The following DNM2 variants were observed in gnomAD, a reference collection of about 807,000 sequenced individuals.
The protein encoded by DNM2 is dynamin 2.
In DNM2, 15 loss-of-function variants were observed where a neutral mutation model predicts 99.0. The observed-to-expected ratio is 0.15, with a 90% confidence interval of 0.10 to 0.23. DNM2 has a LOEUF of 0.23. Among genes scored for constraint, DNM2 ranks in the 10% least tolerant of loss-of-function variants. The pLI, the probability that DNM2 is intolerant of heterozygous loss-of-function variation, is 1.00. For synonymous variants in DNM2, 525 were observed against 481.2 expected (o/e 1.09, Z -1.19); for missense variants, 742 against 1,189.4 (o/e 0.62, Z 5.53).
intron 16 of DNM2, chr19:10,823,582 G>T: frequency 1.7e-6 from 1 of 577,742 alleles, no homozygotes; most frequent in South Asian, 2.0e-5. Context: ...CAGAAACAAA[G>T]AAACTCAGAC....
intron 13 of DNM2, among the ~76,000 whole-genome samples, chr19:10,807,533 T>G (rs2072385590): frequency 7.8e-6 from 1 of 128,844 alleles, no homozygotes. Context: ...AGCCATCACG[T>G]CCAGCCTTTT....
Position 10,759,727 on chromosome 19 carries a change from C to G in DNM2, c.162-11C>G. ...GCAAGAGTAATTTCTGTCCCTCTCC[C>G]CCCCTCACAGGGACTTCCTTCCCCG... On this transcript the variant is annotated splice_polypyrimidine_tract_variant and intron_variant, in intron 1 of 20. Transcript: ENST00000389253. 6.2e-7 allele frequency: 1 copy of G among 1,614,170 alleles called. No individual in the cohort carries two copies. Among genetic ancestry groups the G allele is most frequent in the Non-Finnish European group, 8.5e-7 (1 of 1,180,028 alleles).
chr19:10,814,473 A>C (rs1310087183), intron 15 of DNM2, among the ~76,000 whole-genome samples: 1 of 152,188 alleles, frequency 6.6e-6, no homozygotes, highest in Non-Finnish European at 1.5e-5. Flanking sequence ...TCAAAGAAAA[A>C]AAAACACCAG....
intron 1 of DNM2, among the ~76,000 whole-genome samples, chr19:10,727,888 C>T (rs1429964022): frequency 6.6e-6 from 1 of 152,152 alleles, no homozygotes; most frequent in African/African-American, 2.4e-5. Context: ...GGATTGCCAA[C>T]TACAAGCTGT....
intron 15 of DNM2, among the ~76,000 whole-genome samples, chr19:10,813,045 A>G (rs1482325065): frequency 6.6e-6 from 1 of 152,214 alleles, no homozygotes; most frequent in Non-Finnish European, 1.5e-5. Flanking sequence ...CTCCAGGGGC[A>G]CCGGGGTTCC....
At chr19:10,744,344 T>TA (rs1270575141) in intron 1 of DNM2, among the ~76,000 whole-genome samples, 7 of 152,058 alleles carry the variant, frequency 4.6e-5, no homozygotes, top group African/African-American at 1.7e-4. Flanking sequence ...TGCCGAGAGA[T>TA]ACGCTGTGGG....
intron 13 of DNM2, among the ~76,000 whole-genome samples, chr19:10,806,748 G>A (rs1025639207): frequency 2.6e-5 from 4 of 152,042 alleles, no homozygotes; most frequent in African/African-American, 9.7e-5. Flanking sequence ...AGCCAAGATT[G>A]CGCCACCGCA....
At chr19:10,739,551 G>A (rs531988370) in intron 1 of DNM2, among the ~76,000 whole-genome samples, 1 of 152,014 alleles carries the variant, frequency 6.6e-6, no homozygotes, top group Non-Finnish European at 1.5e-5. Context: ...TTAGCATCAT[G>A]TTTTCAAGAT....
rs747322773 is a variant in DNM2 at position 10,823,824 on chromosome 19, C to G, written c.1818C>G (p.Ala606=). 6.2e-7 allele frequency: 1 copy of G among 1,613,856 alleles called. No individual in the cohort carries two copies. Among genetic ancestry groups the G allele is most frequent in the Non-Finnish European group, 8.5e-7 (1 of 1,180,008 alleles). ...VYKDLRQIEL[A]CDSQEDVDSW... Reference sequence around the variant, plus strand: ...AGGACCTGCGGCAGATCGAGCTGGCCTGTGACTCCCAGGAAGACGTGGACA... The same window carrying G: ...AGGACCTGCGGCAGATCGAGCTGGCGTGTGACTCCCAGGAAGACGTGGACA... Residue 606 remains alanine (A), a synonymous_variant, in exon 17 of 21, where the codon GCC becomes GCG. Transcript: ENST00000389253.
intron 6 of DNM2, among the ~76,000 whole-genome samples, chr19:10,783,884 A>G (rs2071466625): frequency 6.6e-6 from 1 of 151,830 alleles, no homozygotes; most frequent in Non-Finnish European, 1.5e-5. Flanking sequence ...TATTTTTAGT[A>G]GAGATGGAGT....
intron 7 of DNM2, among the ~76,000 whole-genome samples, chr19:10,789,197 CAA>C (rs1369975332): frequency 6.6e-6 from 1 of 151,884 alleles, no homozygotes; most frequent in African/African-American, 2.4e-5. Flanking sequence ...GACTCTGTCT[CAA>C]ACAAACAAAG....
Position 10,775,887 on chromosome 19 carries a change from C to G in DNM2, c.570C>G (p.Ala190=). The G allele has an allele frequency of 6.2e-7, 1 of 1,612,830 alleles. No homozygotes were observed. The change falls in exon 4 of 21, where the codon GCC becomes GCG. Residue 190 remains alanine (A), a synonymous_variant. Coordinates refer to ENST00000389253, the MANE Select transcript of DNM2 (RefSeq NM_001005361.3). This position sits in a 1 kb window ranked among gnomAD's most constrained non-coding sequence, Gnocchi z 4.3. ...CCAACTCCGACGCCCTCAAGCTGGC[C>G]AAGGAAGTCGATCCCCAAGGTAACC... The part of the protein sequence containing the change: ...DLANSDALKL[A]KEVDPQGLRT...
intron 8 of DNM2, among the ~76,000 whole-genome samples, chr19:10,794,914 T>A (rs548608161): frequency 1.3e-5 from 2 of 152,196 alleles, no homozygotes; most frequent in South Asian, 2.1e-4. Context: ...TTAATTAATT[T>A]GTTTGTTTAT....
At chr19:10,786,329 G>A (rs1232513881) in intron 6 of DNM2, 8 of 629,840 alleles carry the variant, frequency 1.3e-5, no homozygotes, top group African/African-American at 1.1e-4. Context: ...GCCTGATGTC[G>A]GCCCCGTGGG....
intron 2 of DNM2, among the ~76,000 whole-genome samples, chr19:10,770,965 T>A (rs924360148): frequency 3.3e-5 from 5 of 152,174 alleles, no homozygotes; most frequent in African/African-American, 1.2e-4. Context: ...GCTAATTTTT[T>A]AAATTTCTGT....
At position 10,787,244 on chromosome 19, in the gene DNM2, C is replaced by T. The variant is rs763140702; in HGVS notation, c.992+538C>T. Among the ~76,000 whole-genome samples, 14 of 151,678 alleles carry T rather than the reference C, an allele frequency of 9.2e-5. 1 individual carries two copies. Among genetic ancestry groups the T allele is most frequent in the Admixed American group, 7.9e-4 (12 of 15,218 alleles). ...CGTACTTTTGGGAGGCCGAGGCGAG[C>T]GGATCATGTCAGGAGATCGAGACCA... On this transcript the variant is annotated intron_variant, in intron 7 of 20. Transcript: ENST00000389253.
In DNM2 at chr19:10,764,966, T is replaced by C. The variant is rs566919547; in HGVS notation, c.235+5155T>C. On this transcript the variant is annotated intron_variant, in intron 2 of 20. Transcript: ENST00000389253. This position sits in a 1 kb window ranked among gnomAD's most constrained non-coding sequence, Gnocchi z 4.1. ...TGTTCTTGTTTTTTCTTTTTCTTTT[T>C]TTTTTTTTTTTGAGATGGAGTCTCG... Among the ~76,000 whole-genome samples, 60 of 150,168 alleles carry C rather than the reference T, an allele frequency of 4.0e-4. No homozygotes were observed. Among genetic ancestry groups the C allele is most frequent in the Non-Finnish European group, 7.6e-4 (51 of 67,270 alleles).
At position 10,830,505 on chromosome 19, in the gene DNM2, C is replaced by T. The variant is rs1314994068; in HGVS notation, c.2543+127C>T. 4 of 1,162,882 alleles carry T rather than the reference C, an allele frequency of 3.4e-6. No individual in the cohort carries two copies. Among genetic ancestry groups the T allele is most frequent in the Non-Finnish European group, 4.8e-6 (4 of 830,114 alleles). 72.0% of individuals were successfully genotyped at this position (1,162,882 alleles called of 1,614,324 possible). A position where few individuals can be genotyped will look rare whatever the true frequency, so the allele number is the denominator to read the frequency against. On this transcript the variant is annotated intron_variant, in intron 20 of 20. Coordinates refer to ENST00000389253, the MANE Select transcript of DNM2 (RefSeq NM_001005361.3). This position sits in a 1 kb window ranked among gnomAD's most constrained non-coding sequence, Gnocchi z 4.8. Reference sequence around the variant, plus strand: ...TGGAGTGGAGGAATCGTCCTCATCCCTATTTGGCTTGCGAGGAAACAGGCC... The same window carrying T: ...TGGAGTGGAGGAATCGTCCTCATCCTTATTTGGCTTGCGAGGAAACAGGCC...
Position 10,759,730 on chromosome 19 carries a change from C to A in DNM2, c.162-8C>A, listed in dbSNP as rs747484495. ...AGAGTAATTTCTGTCCCTCTCCCCC[C>A]CTCACAGGGACTTCCTTCCCCGCGG... On this transcript the variant is annotated splice_polypyrimidine_tract_variant and splice_region_variant and intron_variant, in intron 1 of 20. Transcript: ENST00000389253. 6.2e-6 allele frequency: 10 copies of A among 1,614,060 alleles called. No homozygotes were observed. Among genetic ancestry groups the A allele is most frequent in the Admixed American group, 5.0e-5 (3 of 59,996 alleles).
Sources: allele counts gnomAD v4.1 joint callset (sites outside exome capture counted in the v4.1 genomes callset), GRCh38; gene constraint gnomAD v4.1.1; non-coding constraint Gnocchi (gnomAD v3.1); transcripts MANE v1.5; gene names NCBI Gene and HGNC (gene_info 2026-07-23, HGNC 2026-07-21).